ANTXR1: variants seen among roughly 807,000 people sequenced by gnomAD.
ANTXR1 encodes the protein ANTXR cell adhesion molecule 1, also known as anthrax toxin receptor 1.
In ANTXR1, 19 loss-of-function variants were observed where a neutral mutation model predicts 78.1. That is an observed-to-expected ratio of 0.24 (90% CI 0.17 to 0.36). The LOEUF is 0.36. Ranked by LOEUF, ANTXR1 falls within the 10% of genes least tolerant of loss-of-function variation. ANTXR1 has a pLI of 1.00. For missense variants in ANTXR1, 518 were observed against 718.6 expected (o/e 0.72, Z 3.19); for synonymous variants, 273 against 260.5 (o/e 1.05, Z -0.46).
At chr2:69,059,354 C>T (rs1195807388) in intron 3 of ANTXR1, among the ~76,000 whole-genome samples, 2 of 152,232 alleles carry the variant, frequency 1.3e-5, no homozygotes, top group East Asian at 1.9e-4. Context: ...GCAACCATCA[C>T]TCTGATCAGT....
At chr2:69,119,179 T>C (rs574046370) in intron 10 of ANTXR1, among the ~76,000 whole-genome samples, 7 of 152,288 alleles carry the variant, frequency 4.6e-5, no homozygotes, top group African/African-American at 1.7e-4. Flanking sequence ...AGAGAGGAGT[T>C]GTCCAGAGGC....
chr2:69,231,854 T>C (rs1388336591), intron 17 of ANTXR1, among the ~76,000 whole-genome samples: 1 of 152,030 alleles, frequency 6.6e-6, no homozygotes, highest in African/African-American at 2.4e-5. Flanking sequence ...AGCTAGCACA[T>C]CACTTTCATT....
Position 69,186,209 on chromosome 2 carries a change from C to T in ANTXR1, c.1353+3549C>T, listed in dbSNP as rs187626259. On this transcript the variant is annotated intron_variant, in intron 16 of 17. Transcript: ENST00000303714. ...AAAACTGACATTCTTCATGCCATCT[C>T]TCTGAGGAGAGAAGAGAAAAAGAGA... Among the ~76,000 whole-genome samples the T allele has an allele frequency of 1.1e-4, 17 of 152,332 alleles. No homozygotes were observed. The East Asian group carries it at 3.3e-3, about 29-fold the overall frequency.
intron 10 of ANTXR1, among the ~76,000 whole-genome samples, chr2:69,113,310 C>T (rs1360627189): frequency 1.3e-5 from 2 of 152,154 alleles, no homozygotes; most frequent in Non-Finnish European, 2.9e-5. Context: ...CAATACTGCT[C>T]CTCTGCCATT....
intron 17 of ANTXR1, among the ~76,000 whole-genome samples, chr2:69,215,076 A>G (rs1675143370): frequency 2.0e-5 from 3 of 152,246 alleles, no homozygotes; most frequent in East Asian, 1.9e-4. Flanking sequence ...GGCGAACCCA[A>G]TTGCAGCCCC....
At chr2:69,019,008 T>C (rs965513730) in intron 1 of ANTXR1, among the ~76,000 whole-genome samples, 1 of 152,236 alleles carries the variant, frequency 6.6e-6, no homozygotes, top group Admixed American at 6.5e-5. Context: ...AGGGGGTTAA[T>C]TGATGAGTCA....
intron 12 of ANTXR1, among the ~76,000 whole-genome samples, chr2:69,135,567 A>G (rs1672886213): frequency 6.6e-6 from 1 of 152,194 alleles, no homozygotes; most frequent in Non-Finnish European, 1.5e-5. Context: ...TATCAGGCAA[A>G]TACCAAAAGA....
At chr2:69,070,812 AT>A in intron 4 of ANTXR1, 84 bp downstream of exon 4, 1 of 1,287,572 alleles carries the variant, frequency 7.8e-7, no homozygotes, top group Non-Finnish European at 1.1e-6. Context: ...TAAGGCACTT[AT>A]ATTAAGAGGG....
chr2:69,154,864 G>A (rs1341172054), intron 13 of ANTXR1, among the ~76,000 whole-genome samples: 3 of 152,232 alleles, frequency 2.0e-5, no homozygotes, highest in East Asian at 3.8e-4. Context: ...ACCCACAGTG[G>A]CTGGGTATGT....
chr2:69,200,158 G>C (rs1029550723), intron 17 of ANTXR1, among the ~76,000 whole-genome samples: 1 of 152,134 alleles, frequency 6.6e-6, no homozygotes, highest in Non-Finnish European at 1.5e-5. Context: ...TCTGTTTTCA[G>C]ATCTGGCATC....
chr2:69,102,954 G>A lies in ANTXR1; in HGVS notation c.802+14G>A. 6.2e-7 allele frequency: 1 copy of A among 1,613,078 alleles called. No individual in the cohort carries two copies. The highest frequency in any genetic ancestry group is 1.3e-5 in the African/African-American group (1 of 75,042). On this transcript the variant is annotated intron_variant, in intron 10 of 17. Coordinates refer to ENST00000303714, the MANE Select transcript of ANTXR1 (RefSeq NM_032208.3). Reference sequence around the variant, plus strand: ...CGGTCACACTCAGTAAGTCCTTGCAGAGTCCATGGGTTTCTTCGACAAGTG... The same window carrying A: ...CGGTCACACTCAGTAAGTCCTTGCAAAGTCCATGGGTTTCTTCGACAAGTG...
chr2:69,183,200 G>T (rs1015677351), intron 16 of ANTXR1, among the ~76,000 whole-genome samples: 4 of 151,812 alleles, frequency 2.6e-5, no homozygotes, highest in African/African-American at 4.8e-5. Context: ...TTTTATTTGC[G>T]CCTCCTGCCA....
intron 17 of ANTXR1, among the ~76,000 whole-genome samples, chr2:69,222,765 G>A (rs1486437254): frequency 6.6e-6 from 1 of 152,148 alleles, no homozygotes; most frequent in Non-Finnish European, 1.5e-5. Context: ...GAAACTCAGA[G>A]GACTCTTCTC....
intron 17 of ANTXR1, among the ~76,000 whole-genome samples, chr2:69,205,898 ACTTTT>A (rs530313470): frequency 4.6e-5 from 7 of 152,108 alleles, no homozygotes; most frequent in Non-Finnish European, 7.3e-5. Flanking sequence ...TTTATTAATA[ACTTTT>A]CTTTAAGTTT....
At chr2:69,201,463 G>A (rs543393493) in intron 17 of ANTXR1, among the ~76,000 whole-genome samples, 2 of 152,290 alleles carry the variant, frequency 1.3e-5, no homozygotes, top group African/African-American at 4.8e-5. Context: ...CTGCCAGCCT[G>A]ACGAGGCTGT....
At chr2:69,156,937 C>T (rs975608380) in intron 13 of ANTXR1, among the ~76,000 whole-genome samples, 7 of 152,184 alleles carry the variant, frequency 4.6e-5, no homozygotes, top group Non-Finnish European at 8.8e-5. Context: ...ATGTTAATCT[C>T]ATGCCTTATT....
intron 7 of ANTXR1, among the ~76,000 whole-genome samples, chr2:69,076,036 C>G (rs1419100294): frequency 6.6e-6 from 1 of 152,178 alleles, no homozygotes; most frequent in East Asian, 1.9e-4. Flanking sequence ...GCGTCTGCCT[C>G]CCAGGCTTAA....
At chr2:69,137,783 C>CAAAAAA (rs1277649788) in intron 12 of ANTXR1, among the ~76,000 whole-genome samples, 2 of 87,072 alleles carry the variant, frequency 2.3e-5, no homozygotes, top group African/African-American at 8.4e-5. Context: ...GACCCTGTCT[C>CAAAAAA]AAAAAAAAAA....
chr2:69,184,590 TGA>T (rs1304054701), intron 16 of ANTXR1, among the ~76,000 whole-genome samples: 1 of 152,222 alleles, frequency 6.6e-6, no homozygotes, highest in Non-Finnish European at 1.5e-5. Flanking sequence ...TCTTGGACAC[TGA>T]GAGAACATTA....
Sources: allele counts gnomAD v4.1 joint callset (sites outside exome capture counted in the v4.1 genomes callset), GRCh38; gene constraint gnomAD v4.1.1; transcripts MANE v1.5; gene names NCBI Gene and HGNC (gene_info 2026-07-23, HGNC 2026-07-21).